GRK7: variants seen among roughly 807,000 people sequenced by gnomAD.
GRK7 encodes the protein G protein-coupled receptor kinase 7.
Under a neutral mutation model 34.1 loss-of-function variants are expected in GRK7, and 24 were observed. That is an observed-to-expected ratio of 0.70 (90% CI 0.51 to 0.99). The LOEUF (loss-of-function observed/expected upper bound fraction) is 0.99. GRK7 is among the 50% of genes least tolerant of loss of function. GRK7 has a pLI of 0.00. For missense variants in GRK7, 644 were observed against 707.3 expected (o/e 0.91, Z 1.02); for synonymous variants, 256 against 279.4 (o/e 0.92, Z 0.84).
intron 5 of GRK7, among the ~76,000 whole-genome samples, chr3:141,811,767 G>A (rs9846801): frequency 6.6e-6 from 1 of 152,224 alleles, no homozygotes; most frequent in Non-Finnish European, 1.5e-5. Context: ...TTACACAGCA[G>A]AGTTCAAATG....
At chr3:141,772,204 C>T (rs1169193719) in intron 1 of GRK7, among the ~76,000 whole-genome samples, 2 of 151,536 alleles carry the variant, frequency 1.3e-5, no homozygotes, top group South Asian at 2.1e-4. Context: ...AAGCAATTCT[C>T]CTGCCTCAGC....
chr3:141,804,696 C>T lies in GRK7; in HGVS notation c.1051-2949C>T, dbSNP rs57180064. Among the ~76,000 whole-genome samples, 607 of 151,738 alleles carry T rather than the reference C, an allele frequency of 4.0e-3. 3 individuals carry two copies. The highest frequency in any genetic ancestry group is 0.014 in the African/African-American group (584 of 41,364). ...ACAGATACACACATACACACATGCT[C>T]TCATATACACATGCACATTCACACA... On this transcript the variant is annotated intron_variant, in intron 4 of 5. Transcript: ENST00000682958.
chr3:141,816,798 A>AT lies in GRK7; in HGVS notation c.1413dup (p.Val472CysfsTer14). 1 of 1,603,120 alleles carries AT rather than the reference A, an allele frequency of 6.2e-7. No individual in the cohort carries two copies. Among genetic ancestry groups the AT allele is most frequent in the East Asian group, 2.2e-5 (1 of 44,674 alleles). ...TGGAAGCTGGCCTAATTGAACCCCC[A>AT]TTTGTGCCAGACCCTTCAGTGGTTT... On this transcript the variant is annotated frameshift_variant, in exon 6 of 6. Coordinates refer to ENST00000682958, the MANE Select transcript of GRK7 (RefSeq NM_139209.3). LOFTEE classifies it high-confidence loss of function.
intron 5 of GRK7, among the ~76,000 whole-genome samples, chr3:141,810,239 A>T (rs888229798): frequency 4.6e-5 from 7 of 150,640 alleles, no homozygotes; most frequent in Non-Finnish European, 8.9e-5. Context: ...ACAAAGCCCT[A>T]AATTAAATCA....
At chr3:141,776,274 G>A (rs978243512) in intron 2 of GRK7, among the ~76,000 whole-genome samples, 13 of 138,208 alleles carry the variant, frequency 9.4e-5, no homozygotes, top group Admixed American at 2.3e-4. Context: ...GTGATAGAGC[G>A]AGACTCCGTC....
intron 5 of GRK7, 124 bp downstream of exon 5, chr3:141,808,043 A>AT: frequency 1.2e-6 from 1 of 820,430 alleles, no homozygotes. Context: ...TTTTATTTGC[A>AT]TATTATATGG....
chr3:141,773,661 A>T (rs1489029264), intron 1 of GRK7, among the ~76,000 whole-genome samples: 2 of 152,038 alleles, frequency 1.3e-5, no homozygotes, highest in Non-Finnish European at 2.9e-5. Context: ...TGATCTGCCC[A>T]CCTTGGCCTC....
intron 4 of GRK7, among the ~76,000 whole-genome samples, chr3:141,786,621 C>CA (rs1395574807): frequency 1.3e-5 from 2 of 151,740 alleles, no homozygotes; most frequent in Admixed American, 6.6e-5. Flanking sequence ...ACTAAAAATA[C>CA]AAAAAAATTA....
chr3:141,756,887 T>C, the GRK7 span, among the ~76,000 whole-genome samples: 1 of 152,190 alleles, frequency 6.6e-6, no homozygotes, highest in African/African-American at 2.4e-5. Flanking sequence ...TGGAGTTCAT[T>C]AGAAGGGCCA....
intron 1 of GRK7, among the ~76,000 whole-genome samples, chr3:141,766,427 T>G (rs1234988177): frequency 6.6e-6 from 1 of 152,196 alleles, no homozygotes; most frequent in Non-Finnish European, 1.5e-5. Context: ...CCTCCCAAAG[T>G]GTTGGGATTA....
At chr3:141,809,053 A>G (rs1385495547) in intron 5 of GRK7, among the ~76,000 whole-genome samples, 1 of 151,794 alleles carries the variant, frequency 6.6e-6, no homozygotes, top group Non-Finnish European at 1.5e-5. Context: ...ATACAAAAAA[A>G]TAGCCAGAAG....
At chr3:141,814,112 CT>C (rs1711122540) in intron 5 of GRK7, among the ~76,000 whole-genome samples, 1 of 152,020 alleles carries the variant, frequency 6.6e-6, no homozygotes, top group Non-Finnish European at 1.5e-5. Flanking sequence ...TCCCAAAAAG[CT>C]TTTTGATATC....
chr3:141,763,132 C>G (rs147892553), upstream of GRK7, among the ~76,000 whole-genome samples: 1 of 152,206 alleles, frequency 6.6e-6, no homozygotes, highest in African/African-American at 2.4e-5. Context: ...TGTTCCTATT[C>G]GGCCATCTTG....
chr3:141,805,164 C>T (rs550455930), intron 4 of GRK7, among the ~76,000 whole-genome samples: 4 of 152,184 alleles, frequency 2.6e-5, no homozygotes, highest in Admixed American at 1.3e-4. Context: ...GGCCCCCCTG[C>T]GCGTGCTCCA....
chr3:141,776,907 C>T (rs571312510), intron 2 of GRK7, among the ~76,000 whole-genome samples: 5 of 152,276 alleles, frequency 3.3e-5, no homozygotes, highest in African/African-American at 1.2e-4. Flanking sequence ...TATCCTTTCC[C>T]TGTGGGGCAC....
the GRK7 span, among the ~76,000 whole-genome samples, chr3:141,752,622 A>C: frequency 1.5e-3 from 226 of 152,182 alleles, no homozygotes; most frequent in African/African-American, 5.3e-3. Context: ...TATGCATCAA[A>C]CTCTTTTCTA....
Position 141,819,322 on chromosome 3 carries a change from A to G in GRK7, c.*2272A>G, listed in dbSNP as rs768131784. ...AAAAGGACAAAAAATTTGGAGAGAT[A>G]AAAAAATAAAAATGTCTTGTTGCAT... On this transcript the variant is annotated 3_prime_UTR_variant, in exon 6 of 6. Coordinates refer to ENST00000682958, the MANE Select transcript of GRK7 (RefSeq NM_139209.3). Among the ~76,000 whole-genome samples, 6 of 152,220 alleles carry G rather than the reference A, an allele frequency of 3.9e-5. No homozygotes were observed. The highest frequency in any genetic ancestry group is 7.3e-5 in the Non-Finnish European group (5 of 68,040).
chr3:141,817,393 A>G lies in GRK7; in HGVS notation c.*343A>G. ...AACTTTGTGGTGTGCCCAGAAAATG[A>G]GCATTTGCAATTCTTAGTAAATAAT... is the stretch of plus-strand genomic sequence containing the variant. On this transcript the variant is annotated 3_prime_UTR_variant, in exon 6 of 6. Transcript: ENST00000682958. The G allele has an allele frequency of 4.9e-6, 1 of 204,558 alleles. No individual in the cohort carries two copies. The highest frequency in any genetic ancestry group is 9.7e-6 in the Non-Finnish European group (1 of 103,228). The allele number at this position is 204,558 out of a possible 1,614,324, so 12.7% of individuals were successfully genotyped here. A position where few individuals can be genotyped will look rare whatever the true frequency, so the allele number is the denominator to read the frequency against.
At chr3:141,813,641 A>C (rs1197385981) in intron 5 of GRK7, among the ~76,000 whole-genome samples, 1 of 152,172 alleles carries the variant, frequency 6.6e-6, no homozygotes, top group African/African-American at 2.4e-5. Flanking sequence ...CAGTGGGAAA[A>C]GTCCAAGAAG....
Sources: allele counts gnomAD v4.1 joint callset (sites outside exome capture counted in the v4.1 genomes callset), GRCh38; gene constraint gnomAD v4.1.1; transcripts MANE v1.5; gene names NCBI Gene and HGNC (gene_info 2026-07-23, HGNC 2026-07-21).